The following GLYATL2 variants were observed in gnomAD, a reference collection of about 807,000 sequenced individuals.
GLYATL2 encodes the protein glycine-N-acyltransferase like 2, also known as glycine N-acyltransferase-like protein 2.
A neutral mutation model predicts 21.4 loss-of-function variants in GLYATL2; 25 were observed. The observed-to-expected ratio is 1.17, with a 90% CI of 0.85 to 1.63. The LOEUF is 1.63. Ranked by LOEUF, GLYATL2 falls within the 40% of genes most tolerant of loss-of-function variation. The pLI, the probability that GLYATL2 is intolerant of heterozygous loss-of-function variation, is 0.00. For synonymous variants in GLYATL2, 114 were observed against 118.2 expected, an observed-to-expected ratio of 0.96 and a Z score of 0.23; for missense variants, 361 against 343.3, an observed-to-expected ratio of 1.05 and a Z score of -0.41.
At chr11:58,874,239 A>G (rs1854183449) in intron 1 of GLYATL2, among the ~76,000 whole-genome samples, 1 of 152,082 alleles carries the variant, frequency 6.6e-6, no homozygotes, top group African/African-American at 2.4e-5. Flanking sequence ...TCAAAAAACC[A>G]GCTCCTGGAT....
chr11:58,843,800 G>T (rs1307400765), intron 1 of GLYATL2, among the ~76,000 whole-genome samples: 1 of 152,164 alleles, frequency 6.6e-6, no homozygotes, highest in Non-Finnish European at 1.5e-5. Flanking sequence ...GGCACTCAGA[G>T]GTAGATCAGT....
chr11:58,872,588 T>C (rs1441722037), intron 1 of GLYATL2, among the ~76,000 whole-genome samples: 2 of 152,276 alleles, frequency 1.3e-5, no homozygotes, highest in Non-Finnish European at 2.9e-5. Flanking sequence ...AAAGATCAGA[T>C]AGCTGTAGAT....
intron 1 of GLYATL2, among the ~76,000 whole-genome samples, chr11:58,873,250 C>G (rs981907676): frequency 6.6e-6 from 1 of 151,452 alleles, no homozygotes; most frequent in Admixed American, 6.6e-5. Context: ...ATTTGACTTC[C>G]TCTTTTCCTA....
At chr11:58,841,009 CT>C (rs1175274010) in intron 1 of GLYATL2, among the ~76,000 whole-genome samples, 1 of 151,674 alleles carries the variant, frequency 6.6e-6, no homozygotes, top group Non-Finnish European at 1.5e-5. Flanking sequence ...TAAATATGAA[CT>C]TTTGAACTTT....
Position 58,868,983 on chromosome 11 carries a change from C to T in GLYATL2, n.61-30615G>A, listed in dbSNP as rs761032120. On this transcript the variant is annotated intron_variant and non_coding_transcript_variant, in intron 1 of 4. Transcript: ENST00000533636. ...TGGACACTCTTGGGGAGTTGTTCGT[C>T]ATTTTGTGTGTGTCCAGGCAAGTGA... 7.5e-5 allele frequency among the ~76,000 whole-genome samples: 10 copies of T among 133,192 alleles called. 1 individual carries two copies. The highest frequency in any genetic ancestry group is 3.5e-3 in the Middle Eastern group (1 of 288). The allele number at this position is 133,192 out of a possible 152,430, so 87.4% of individuals were successfully genotyped here.
At chr11:58,843,186 G>A (rs1253001377) in intron 1 of GLYATL2, among the ~76,000 whole-genome samples, 1 of 152,160 alleles carries the variant, frequency 6.6e-6, no homozygotes, top group East Asian at 1.9e-4. Context: ...AGAGCAGAGA[G>A]TTGGCAAGTT....
intron 1 of GLYATL2, among the ~76,000 whole-genome samples, chr11:58,886,322 C>T (rs1854439334): frequency 6.6e-6 from 1 of 152,302 alleles, no homozygotes; most frequent in South Asian, 2.1e-4. Context: ...ATGTCATCAA[C>T]AGAACACTCT....
upstream of GLYATL2, chr11:58,908,364 T>A (rs76883410): frequency 8.2e-3 from 1,257 of 153,178 alleles, 18 homozygotes; most frequent in South Asian, 0.05. Context: ...ATAGATCTTG[T>A]TTTTTTGTTT....
chr11:58,900,678 G>A (rs749107410), intron 1 of GLYATL2, among the ~76,000 whole-genome samples: 9 of 152,182 alleles, frequency 5.9e-5, no homozygotes, highest in Non-Finnish European at 1.2e-4. Flanking sequence ...GAGCCACTAT[G>A]AGCCGAAGCA....
chr11:58,845,302 A>G (rs752881166), upstream of GLYATL2, among the ~76,000 whole-genome samples: 17 of 152,146 alleles, frequency 1.1e-4, no homozygotes, highest in Non-Finnish European at 8.8e-5. Flanking sequence ...GGGAAAATAT[A>G]AGTTATAAAA....
intron 1 of GLYATL2, chr11:58,893,125 G>C: frequency 2.5e-6 from 1 of 405,588 alleles, no homozygotes; most frequent in Non-Finnish European, 4.7e-6. Context: ...AGGGAAGAAT[G>C]AGAGGAGCCT....
intron 1 of GLYATL2, chr11:58,885,596 A>G (rs1392115823): frequency 8.8e-6 from 3 of 341,642 alleles, no homozygotes; most frequent in South Asian, 2.7e-5. Flanking sequence ...GGCCTGAGGA[A>G]CTGACCATTT....
At chr11:58,871,733 G>T (rs896459368) in intron 1 of GLYATL2, among the ~76,000 whole-genome samples, 1 of 152,072 alleles carries the variant, frequency 6.6e-6, no homozygotes, top group African/African-American at 2.4e-5. Context: ...GAATAGTGCT[G>T]CAATAAACAT....
chr11:58,863,709 G>C (rs1401648264), intron 1 of GLYATL2, among the ~76,000 whole-genome samples: 1 of 152,104 alleles, frequency 6.6e-6, no homozygotes, highest in Admixed American at 6.5e-5. Context: ...TATGAGTTCT[G>C]GCCTAGAACC....
At chr11:58,898,482 CT>C (rs138211723) in intron 1 of GLYATL2, among the ~76,000 whole-genome samples, 2,325 of 146,618 alleles carry the variant, frequency 0.016, 23 homozygotes, top group South Asian at 0.033. Flanking sequence ...ATTGTTTCCT[CT>C]TTTTTTTTTT....
chr11:58,886,320 A>T (rs1283831558), intron 1 of GLYATL2, among the ~76,000 whole-genome samples: 1 of 152,224 alleles, frequency 6.6e-6, no homozygotes, highest in Non-Finnish European at 1.5e-5. Flanking sequence ...GGATGTCATC[A>T]ACAGAACACT....
At chr11:58,854,601 A>T (rs1412580132) in intron 1 of GLYATL2, among the ~76,000 whole-genome samples, 1 of 152,224 alleles carries the variant, frequency 6.6e-6, no homozygotes, top group African/African-American at 2.4e-5. Context: ...CTTCCTGAAG[A>T]TTAAGGTAGC....
rs1270085775 is a variant in GLYATL2 at position 58,838,358 on chromosome 11, G to T, written c.89C>A (p.Ala30Asp). 6.2e-7 allele frequency: 1 copy of T among 1,609,440 alleles called. No homozygotes were observed. Among genetic ancestry groups the T allele is most frequent in the East Asian group, 2.2e-5 (1 of 44,830 alleles). Residue 30 changes from alanine to aspartate, a missense_variant, in exon 3 of 6, where the codon GCC becomes GAC. Ala to Asp is a moderately radical substitution (Grantham distance 126). Transcript: ENST00000287275. ...GTTTTTATCTTTTATGTTGAAAATG[G>T]CGCCATATACCTACGATGCAACAGA... ...SIPESIKVYG[A>D]IFNIKDKNPF... is the part of the protein sequence containing the mutation.
chr11:58,870,935 T>A lies in GLYATL2; in HGVS notation n.61-32567A>T, dbSNP rs1188615763. Among the ~76,000 whole-genome samples the A allele has an allele frequency of 2.0e-5, 3 of 152,236 alleles. No individual in the cohort carries two copies. The East Asian group carries it at 5.8e-4, about 29-fold the overall frequency. On this transcript the variant is annotated intron_variant and non_coding_transcript_variant, in intron 1 of 4. Transcript: ENST00000533636. ...CAGAAATGTGAGAGGCCATGAAGAA[T>A]TGTCTCCCAACCAGAATGAACAGCA...
Sources: allele counts gnomAD v4.1 joint callset (sites outside exome capture counted in the v4.1 genomes callset), GRCh38; gene constraint gnomAD v4.1.1; transcripts MANE v1.5; gene names NCBI Gene and HGNC (gene_info 2026-07-23, HGNC 2026-07-21).